AUTS2: variants seen among roughly 807,000 people sequenced by gnomAD.
AUTS2 encodes the protein autism susceptibility gene 2 protein.
AUTS2 carries 17 observed loss-of-function variants against 112.4 expected under a neutral mutation model. The observed-to-expected ratio is 0.15, with a 90% CI of 0.10 to 0.23. The LOEUF is 0.23. Among genes scored for constraint, AUTS2 ranks in the 10% least tolerant of loss-of-function variants. The pLI is 1.00. For synonymous variants in AUTS2, 751 were observed against 702.7 expected (o/e 1.07, Z -1.09); for missense variants, 1,510 against 1,701.6 (o/e 0.89, Z 1.98).
chr7:69,670,944 G>A (rs17140783), intron 1 of AUTS2, among the ~76,000 whole-genome samples: 11,586 of 152,188 alleles, frequency 0.076, 597 homozygotes, highest in African/African-American at 0.14. Flanking sequence ...GAATGTTTTG[G>A]CATAGAAAAA....
intron 4 of AUTS2, among the ~76,000 whole-genome samples, chr7:70,399,897 G>T (rs1045179476): frequency 6.6e-6 from 1 of 152,212 alleles, no homozygotes; most frequent in Non-Finnish European, 1.5e-5. Context: ...TTAGTGTGCG[G>T]TGGTAAGCTA....
Position 70,080,090 on chromosome 7 carries a change from G to T in AUTS2, c.523-38042G>T, listed in dbSNP as rs187811064. Reference sequence around the variant, plus strand: ...GTTAAGTTTGCAACACATGCTTTTGGGGGGACACATTCAAACCATAGCACT... The same window carrying T: ...GTTAAGTTTGCAACACATGCTTTTGTGGGGACACATTCAAACCATAGCACT... On this transcript the variant is annotated intron_variant, in intron 2 of 18. Transcript: ENST00000342771. 3.0e-3 allele frequency among the ~76,000 whole-genome samples: 463 copies of T among 152,168 alleles called. 3 individuals carry two copies. Among genetic ancestry groups the T allele is most frequent in the Admixed American group, 6.3e-3 (97 of 15,286 alleles).
chr7:69,873,945 G>C (rs943294249), intron 1 of AUTS2, among the ~76,000 whole-genome samples: 1 of 152,184 alleles, frequency 6.6e-6, no homozygotes, highest in Non-Finnish European at 1.5e-5. Context: ...ATTGGTAATT[G>C]GTTGGAAAAG....
chr7:69,870,139 G>A (rs996473991), intron 1 of AUTS2, among the ~76,000 whole-genome samples: 13 of 151,958 alleles, frequency 8.6e-5, no homozygotes, highest in Non-Finnish European at 1.3e-4. Context: ...TTGACAAATG[G>A]ATAAGAGTAA....
chr7:70,467,218 C>A (rs1453642528), intron 5 of AUTS2, among the ~76,000 whole-genome samples: 2 of 152,214 alleles, frequency 1.3e-5, no homozygotes, highest in African/African-American at 4.8e-5. Context: ...GTAGATTCAC[C>A]CAGGCTAATG....
At chr7:70,494,831 A>G (rs1458259391) in intron 5 of AUTS2, among the ~76,000 whole-genome samples, 1 of 152,090 alleles carries the variant, frequency 6.6e-6, no homozygotes, top group Non-Finnish European at 1.5e-5. Flanking sequence ...CTCTTGTTAC[A>G]TTTTTTGGCA....
At chr7:70,574,838 G>C (rs1326644567) in intron 5 of AUTS2, among the ~76,000 whole-genome samples, 4 of 152,088 alleles carry the variant, frequency 2.6e-5, no homozygotes, top group Non-Finnish European at 2.9e-5. Context: ...CCCCCTCATG[G>C]CCACCACCAC....
In AUTS2 at chr7:70,396,992, C is replaced by T. The variant is rs115062865; in HGVS notation, c.661-38760C>T. On this transcript the variant is annotated intron_variant, in intron 4 of 18. Transcript: ENST00000342771. ...TGTACCGTCTTACATTTCCACCAAC[C>T]GTGTATAAGAGTTCCACCTCCTCAC... Among the ~76,000 whole-genome samples the T allele has an allele frequency of 4.4e-3, 675 of 152,008 alleles. 6 individuals are homozygous for T. Among genetic ancestry groups the T allele is most frequent in the African/African-American group, 0.015 (634 of 41,460 alleles).
chr7:70,208,518 A>C (rs915348648), intron 4 of AUTS2, among the ~76,000 whole-genome samples: 1 of 152,156 alleles, frequency 6.6e-6, no homozygotes, highest in African/African-American at 2.4e-5. Context: ...AGTTAAAAAA[A>C]ATTTATATTA....
At chr7:69,937,636 C>G (rs769125846) in intron 2 of AUTS2, among the ~76,000 whole-genome samples, 5 of 152,098 alleles carry the variant, frequency 3.3e-5, no homozygotes, top group Non-Finnish European at 7.4e-5. Context: ...AGGGCAGAGC[C>G]CAGTCATCAG....
chr7:69,945,897 G>C (rs766042473), intron 2 of AUTS2, among the ~76,000 whole-genome samples: 11 of 152,184 alleles, frequency 7.2e-5, no homozygotes, highest in Non-Finnish European at 1.6e-4. Flanking sequence ...ACCCAGGCTG[G>C]AGTGCTGTGG....
chr7:70,391,392 G>A (rs1793850263), intron 4 of AUTS2, among the ~76,000 whole-genome samples: 2 of 152,124 alleles, frequency 1.3e-5, no homozygotes, highest in Non-Finnish European at 2.9e-5. Context: ...AATATTTCAA[G>A]GTATTTGAAT....
intron 4 of AUTS2, among the ~76,000 whole-genome samples, chr7:70,339,092 T>A (rs1259592081): frequency 3.3e-5 from 5 of 151,932 alleles, no homozygotes; most frequent in Non-Finnish European, 7.4e-5. Flanking sequence ...TTCGATCTCC[T>A]GACCTCGTGA....
At chr7:70,005,866 A>G (rs781085670) in intron 2 of AUTS2, among the ~76,000 whole-genome samples, 1 of 152,190 alleles carries the variant, frequency 6.6e-6, no homozygotes, top group Non-Finnish European at 1.5e-5. Flanking sequence ...AATTGGTTTT[A>G]TATGTTTAGC....
At chr7:69,733,496 C>G (rs921268720) in intron 1 of AUTS2, among the ~76,000 whole-genome samples, 22 of 152,138 alleles carry the variant, frequency 1.4e-4, no homozygotes, top group Non-Finnish European at 1.5e-5. Flanking sequence ...GGTGGTGACC[C>G]TGGTGAAATC....
At chr7:70,286,208 C>T (rs947862637) in intron 4 of AUTS2, among the ~76,000 whole-genome samples, 5 of 152,162 alleles carry the variant, frequency 3.3e-5, no homozygotes, top group Admixed American at 6.5e-5. Context: ...GGGGTAAGAA[C>T]GGCAACCTTG....
intron 5 of AUTS2, among the ~76,000 whole-genome samples, chr7:70,445,158 T>C (rs888593746): frequency 3.9e-5 from 6 of 152,180 alleles, no homozygotes; most frequent in Non-Finnish European, 7.3e-5. Context: ...AAACTCTCTG[T>C]TAGGGCTTTT....
At chr7:70,334,236 A>G (rs148299348) in intron 4 of AUTS2, among the ~76,000 whole-genome samples, 2 of 152,268 alleles carry the variant, frequency 1.3e-5, no homozygotes, top group East Asian at 1.9e-4. Context: ...TTTCATAAAT[A>G]TTCTTTATCA....
At position 69,641,895 on chromosome 7, in the gene AUTS2, A is replaced by G. The variant is rs1220058803; in HGVS notation, c.309+41933A>G. ...AAGCCCAAGGTCAGGATATTGATTG[A>G]TGACATTTCCCTTTAAAGTATTTGT... On this transcript the variant is annotated intron_variant, in intron 1 of 18. Coordinates refer to ENST00000342771, the MANE Select transcript of AUTS2 (RefSeq NM_015570.4). 2.0e-5 allele frequency among the ~76,000 whole-genome samples: 3 copies of G among 152,332 alleles called. No individual in the cohort carries two copies. In the East Asian group the frequency reaches 5.8e-4, roughly 29 times the overall value.
Sources: allele counts gnomAD v4.1 joint callset (sites outside exome capture counted in the v4.1 genomes callset), GRCh38; gene constraint gnomAD v4.1.1; transcripts MANE v1.5; gene names NCBI Gene and HGNC (gene_info 2026-07-23, HGNC 2026-07-21).